SSBP2: variants seen among roughly 807,000 people sequenced by gnomAD.
SSBP2 encodes single stranded DNA binding protein 2, also known as single-stranded DNA-binding protein 2.
SSBP2 carries 17 observed loss-of-function variants against 61.8 expected under a neutral mutation model. The ratio of observed to expected loss-of-function variants is 0.28; its 90% CI spans 0.19 to 0.41. The LOEUF is 0.41. Among genes scored for constraint, SSBP2 ranks in the 10% least tolerant of loss-of-function variants. SSBP2 has a pLI of 1.00. For missense variants in SSBP2, 310 were observed against 458.7 expected, an observed-to-expected ratio of 0.68 and a Z score of 2.96; for synonymous variants, 139 against 141.3, an observed-to-expected ratio of 0.98 and a Z score of 0.12.
intron 4 of SSBP2, among the ~76,000 whole-genome samples, chr5:81,549,102 G>A (rs1045063368): frequency 6.6e-6 from 1 of 151,926 alleles, no homozygotes; most frequent in Non-Finnish European, 1.5e-5. Context: ...CTATTATCTG[G>A]CTTCAAGTCT....
chr5:81,465,839 C>T (rs1413955040), intron 9 of SSBP2, among the ~76,000 whole-genome samples: 2 of 151,910 alleles, frequency 1.3e-5, no homozygotes, highest in African/African-American at 4.8e-5. Context: ...TCATGTGTAT[C>T]CATTTTTACT....
At chr5:81,526,429 A>G (rs946329206) in intron 4 of SSBP2, among the ~76,000 whole-genome samples, 2 of 152,064 alleles carry the variant, frequency 1.3e-5, no homozygotes, top group Admixed American at 1.3e-4. Flanking sequence ...ATATTCTCAA[A>G]ATAATAAACT....
intron 10 of SSBP2, among the ~76,000 whole-genome samples, chr5:81,460,452 C>T (rs1764458709): frequency 6.6e-6 from 1 of 152,148 alleles, no homozygotes; most frequent in Non-Finnish European, 1.5e-5. Flanking sequence ...TCAACCTGTG[C>T]ACATATTTCT....
At chr5:81,623,284 C>T (rs1746797984) in intron 3 of SSBP2, among the ~76,000 whole-genome samples, 1 of 150,628 alleles carries the variant, frequency 6.6e-6, no homozygotes. Context: ...GAAGACCTCT[C>T]TTGAAAAGTA....
Position 81,598,807 on chromosome 5 carries a change from G to A in SSBP2, c.282+16666C>T, listed in dbSNP as rs1744049772. Among the ~76,000 whole-genome samples, 3 of 152,158 alleles carry A rather than the reference G, an allele frequency of 2.0e-5. No individual in the cohort carries two copies. In the South Asian group the frequency reaches 6.2e-4, roughly 32 times the overall value. On this transcript the variant is annotated intron_variant, in intron 4 of 16. Transcript: ENST00000320672. ...ATTCTCCCTCATACCTTTTGTTCTA[G>A]CCATGTCAAGCAGCAAGACAACCTT...
chr5:81,735,731 C>G lies in SSBP2; in HGVS notation c.62+15250G>C, dbSNP rs1167191664. 3.9e-5 allele frequency among the ~76,000 whole-genome samples: 6 copies of G among 152,082 alleles called. No individual in the cohort carries two copies. The East Asian group carries it at 1.2e-3, about 29-fold the overall frequency. On this transcript the variant is annotated intron_variant, in intron 1 of 16. Transcript: ENST00000320672. ...AGATAATTTTAATAAAGAATTCATG[C>G]TTTACAAATGATAACTCACAACATT...
At chr5:81,543,846 C>A (rs889043629) in intron 4 of SSBP2, among the ~76,000 whole-genome samples, 9 of 152,058 alleles carry the variant, frequency 5.9e-5, no homozygotes, top group Non-Finnish European at 8.8e-5. Context: ...CCCTTTAAAT[C>A]AAATATAACT....
intron 5 of SSBP2, among the ~76,000 whole-genome samples, chr5:81,500,052 G>C (rs1373876472): frequency 6.6e-6 from 1 of 152,118 alleles, no homozygotes. Flanking sequence ...TTGATCTTCT[G>C]ATATAACTGG....
intron 4 of SSBP2, among the ~76,000 whole-genome samples, chr5:81,601,659 T>C (rs1040500329): frequency 1.3e-5 from 2 of 152,136 alleles, no homozygotes; most frequent in African/African-American, 2.4e-5. Context: ...CCGGCAGAAT[T>C]TGCTCTGTGA....
At chr5:81,555,596 C>T (rs1772531546) in intron 4 of SSBP2, among the ~76,000 whole-genome samples, 1 of 152,016 alleles carries the variant, frequency 6.6e-6, no homozygotes, top group African/African-American at 2.4e-5. Context: ...TCTATGTTGT[C>T]ACCCTGGTCT....
At chr5:81,688,915 T>C (rs1403653258) in intron 1 of SSBP2, among the ~76,000 whole-genome samples, 1 of 152,048 alleles carries the variant, frequency 6.6e-6, no homozygotes, top group Non-Finnish European at 1.5e-5. Context: ...GATGGAGATA[T>C]GTGCACTTCC....
chr5:81,581,193 A>C (rs1774615043), intron 4 of SSBP2, among the ~76,000 whole-genome samples: 1 of 152,208 alleles, frequency 6.6e-6, no homozygotes, highest in African/African-American at 2.4e-5. Context: ...AACAGTGGGC[A>C]AGGTATGCTG....
chr5:81,735,765 T>C (rs1425015462), intron 1 of SSBP2, among the ~76,000 whole-genome samples: 2 of 152,278 alleles, frequency 1.3e-5, no homozygotes, highest in East Asian at 1.9e-4. Flanking sequence ...TTTTATAAAC[T>C]TCCCTATTGA....
At chr5:81,626,495 G>C (rs1189370908) in intron 3 of SSBP2, among the ~76,000 whole-genome samples, 1 of 152,166 alleles carries the variant, frequency 6.6e-6, no homozygotes, top group Non-Finnish European at 1.5e-5. Flanking sequence ...CGTGAGTGTG[G>C]TTTTAAGAGT....
At chr5:81,529,164 T>C (rs919777916) in intron 4 of SSBP2, among the ~76,000 whole-genome samples, 3 of 152,108 alleles carry the variant, frequency 2.0e-5, no homozygotes, top group East Asian at 1.9e-4. Context: ...TGTAAGGTAA[T>C]ATGTAGAATC....
At chr5:81,547,376 T>C (rs1771818273) in intron 4 of SSBP2, among the ~76,000 whole-genome samples, 2 of 152,150 alleles carry the variant, frequency 1.3e-5, no homozygotes, top group Admixed American at 6.5e-5. Flanking sequence ...AGTGGGTGAG[T>C]AGAGAAATAA....
chr5:81,434,388 T>G (rs1762534110), intron 15 of SSBP2, among the ~76,000 whole-genome samples: 1 of 152,004 alleles, frequency 6.6e-6, no homozygotes, highest in African/African-American at 2.4e-5. Context: ...CCGGGCGCAG[T>G]GGCTCACACC....
intron 1 of SSBP2, among the ~76,000 whole-genome samples, chr5:81,729,725 C>T (rs1192879740): frequency 6.6e-6 from 1 of 151,828 alleles, no homozygotes; most frequent in Non-Finnish European, 1.5e-5. Context: ...CTTTTTTAAC[C>T]TTTAATTATA....
At chr5:81,528,204 T>G (rs1770107449) in intron 4 of SSBP2, among the ~76,000 whole-genome samples, 1 of 152,056 alleles carries the variant, frequency 6.6e-6, no homozygotes, top group African/African-American at 2.4e-5. Context: ...TGGCTGAACT[T>G]AATATATTAT....
Sources: allele counts gnomAD v4.1 joint callset (sites outside exome capture counted in the v4.1 genomes callset), GRCh38; gene constraint gnomAD v4.1.1; transcripts MANE v1.5; gene names NCBI Gene and HGNC (gene_info 2026-07-23, HGNC 2026-07-21).